SNAPC5: variants seen among roughly 807,000 people sequenced by gnomAD.
SNAPC5 encodes small nuclear RNA activating complex polypeptide 5, also known as snRNA-activating protein complex subunit 5.
SNAPC5 carries 12 observed loss-of-function variants against 9.1 expected under a neutral mutation model. That is an observed-to-expected ratio of 1.32 (90% CI 0.85 to 2.15). The LOEUF (loss-of-function observed/expected upper bound fraction) is 2.15. SNAPC5 is among the 30% of genes most tolerant of loss of function. The pLI, the probability that SNAPC5 is intolerant of heterozygous loss-of-function variation, is 0.00. For missense variants in SNAPC5, 132 were observed against 114.4 expected, an observed-to-expected ratio of 1.15 and a Z score of -0.70; for synonymous variants, 52 against 47.3, an observed-to-expected ratio of 1.10 and a Z score of -0.41.
At chr15:66,496,271 C>T (rs1348436982) in intron 1 of SNAPC5, among the ~76,000 whole-genome samples, 1 of 151,640 alleles carries the variant, frequency 6.6e-6, no homozygotes, top group African/African-American at 2.4e-5. Context: ...TTCGAGAACA[C>T]CTTGGCCAAC....
Position 66,495,436 on chromosome 15 carries a change from G to A in SNAPC5, c.91-17C>T. On this transcript the variant is annotated splice_polypyrimidine_tract_variant and intron_variant, in intron 1 of 2. Transcript: ENST00000316634. ...TTCTTCAACCTAGAAAAGAAGAGTT[G>A]AGGACACTTTTCCTTACTATTTCAC... is the stretch of plus-strand genomic sequence containing the variant. The A allele has an allele frequency of 6.9e-7, 1 of 1,446,286 alleles. No individual in the cohort carries two copies. Among genetic ancestry groups the A allele is most frequent in the Non-Finnish European group, 9.7e-7 (1 of 1,026,760 alleles). The allele number at this position is 1,446,286 out of a possible 1,614,324, so 89.6% of individuals were successfully genotyped here.
At chr15:66,491,416 G>T, downstream of SNAPC5, 1 of 229,218 alleles carries the variant, frequency 4.4e-6, no homozygotes. Flanking sequence ...CAATGCTGTT[G>T]TAAACAACGT....
chr15:66,493,136 A>T (rs2140694357), downstream of SNAPC5, among the ~76,000 whole-genome samples: 1 of 152,306 alleles, frequency 6.6e-6, no homozygotes, highest in African/African-American at 2.4e-5. Flanking sequence ...CAAAAAAAGT[A>T]TTCTTTGTTT....
downstream of SNAPC5, chr15:66,489,845 G>T: frequency 8.3e-7 from 1 of 1,207,508 alleles, no homozygotes; most frequent in Non-Finnish European, 1.2e-6. Flanking sequence ...AGTACTTCCA[G>T]AGCCCATTCA....
chr15:66,489,822 C>T (rs947797890), downstream of SNAPC5: 3 of 1,405,688 alleles, frequency 2.1e-6, no homozygotes, highest in African/African-American at 2.8e-5. Flanking sequence ...TCTTCTCTGT[C>T]AGTCATCTGT....
chr15:66,497,514 T>C, intron 1 of SNAPC5, 128 bp downstream of exon 1: 1 of 823,870 alleles, frequency 1.2e-6, no homozygotes, highest in Non-Finnish European at 2.1e-6. Context: ...ACCTCTAAAT[T>C]GGCGCCACCA....
downstream of SNAPC5, chr15:66,492,267 A>G (rs575259667): frequency 2.3e-4 from 64 of 275,386 alleles, no homozygotes; most frequent in Non-Finnish European, 3.7e-4. Context: ...ACTAAAGCCA[A>G]CATATATATT....
chr15:66,491,928 T>A, downstream of SNAPC5: 1 of 455,304 alleles, frequency 2.2e-6, no homozygotes, highest in South Asian at 1.6e-5. Flanking sequence ...TACCAATAGT[T>A]GAGCTGAGGG....
At chr15:66,490,239 G>A (rs532688440), downstream of SNAPC5, 75 of 607,514 alleles carry the variant, frequency 1.2e-4, no homozygotes, top group South Asian at 1.1e-3. Flanking sequence ...AAGCCTGTGA[G>A]GCATTTAAGG....
At chr15:66,492,321 T>G, downstream of SNAPC5, 4 of 254,616 alleles carry the variant, frequency 1.6e-5, no homozygotes, top group South Asian at 1.6e-4. Context: ...AAACAAAACT[T>G]GGGTAAATAA....
chr15:66,495,520 G>A, intron 1 of SNAPC5, 101 bp from the exon 2 acceptor site: 2 of 723,900 alleles, frequency 2.8e-6, no homozygotes, highest in Non-Finnish European at 5.0e-6. Flanking sequence ...ATCAAGAGAG[G>A]GAATGAAAAC....
At chr15:66,491,522 TA>T (rs886051370), downstream of SNAPC5, 598 of 182,072 alleles carry the variant, frequency 3.3e-3, no homozygotes, top group East Asian at 7.7e-3. Context: ...TACTATGAAA[TA>T]AAAAAAAAAG....
chr15:66,490,750 C>A (rs1319856811), downstream of SNAPC5: 1 of 726,642 alleles, frequency 1.4e-6, no homozygotes, highest in African/African-American at 1.7e-5. Flanking sequence ...CAGCATGTGC[C>A]AAGATTCTAC....
At chr15:66,496,762 G>A (rs186839070) in intron 1 of SNAPC5, among the ~76,000 whole-genome samples, 32 of 152,078 alleles carry the variant, frequency 2.1e-4, no homozygotes, top group Admixed American at 7.2e-4. Context: ...AGGCCGAGGC[G>A]GGCTGATCGC....
downstream of SNAPC5, chr15:66,489,751 G>A (rs1336147749): frequency 6.2e-7 from 1 of 1,613,784 alleles, no homozygotes; most frequent in Non-Finnish European, 8.5e-7. Context: ...GAGCAGATTT[G>A]AAGCAACTCA....
chr15:66,491,878 A>G (rs1248521805), downstream of SNAPC5: 5 of 443,740 alleles, frequency 1.1e-5, no homozygotes, highest in African/African-American at 2.0e-5. Context: ...AAAAATGACA[A>G]AACATTTCTT....
intron 1 of SNAPC5, among the ~76,000 whole-genome samples, chr15:66,496,234 G>A (rs1893429211): frequency 6.6e-6 from 1 of 152,212 alleles, no homozygotes. Context: ...GGGAGGAAGA[G>A]GCAGGTGGAT....
downstream of SNAPC5, chr15:66,492,351 A>C (rs1893282058): frequency 2.6e-5 from 6 of 228,388 alleles, no homozygotes; most frequent in South Asian, 2.7e-4. Context: ...TAGGTAGTCC[A>C]ATCTAGAGGT....
downstream of SNAPC5, chr15:66,490,089 C>T: frequency 1.9e-6 from 1 of 536,120 alleles, no homozygotes; most frequent in East Asian, 3.3e-5. Context: ...CAGCCTCCTT[C>T]CAGAGTCACT....
Sources: gnomAD v4.1 joint callset for allele counts (sites outside exome capture counted in the v4.1 genomes callset) on GRCh38, gnomAD v4.1.1 for gene constraint, MANE v1.5 for transcripts, NCBI Gene and HGNC (gene_info 2026-07-23, HGNC 2026-07-21) for gene names.